Variants in FSTL5 observed in about 807,000 individuals in gnomAD.
FSTL5 encodes follistatin-related protein 5.
FSTL5 carries 62 observed loss-of-function variants against 89.1 expected under a neutral mutation model. The observed-to-expected ratio is 0.70, with a 90% CI of 0.57 to 0.86. The LOEUF is 0.86. Ranked by LOEUF, FSTL5 falls within the 40% of genes least tolerant of loss-of-function variation. The pLI, the probability that FSTL5 is intolerant of heterozygous loss-of-function variation, is 0.00. For missense variants in FSTL5, 1,057 were observed against 1,001.6 expected, an observed-to-expected ratio of 1.06 and a Z score of -0.75; for synonymous variants, 383 against 346.2, an observed-to-expected ratio of 1.11 and a Z score of -1.18.
At chr4:161,607,985 T>G (rs560826010) in intron 7 of FSTL5, among the ~76,000 whole-genome samples, 1 of 152,266 alleles carries the variant, frequency 6.6e-6, no homozygotes, top group South Asian at 2.1e-4. Context: ...GTACTTAGGT[T>G]ATCAAGTATT....
chr4:161,386,054 G>A lies in FSTL5; in HGVS notation c.2237C>T (p.Pro746Leu), dbSNP rs1160435954. Residue 746 changes from proline to leucine, a missense_variant, in exon 16 of 16, where the codon CCA becomes CTA. Pro to Leu is a moderately conservative substitution (Grantham distance 98, BLOSUM62 -3). Transcript: ENST00000306100. ...ATATTGGTGGGCTTCAGTAAAGGATGGTTGAAATGCCAGATCAGATATGTG... is the reference window on the plus strand; with the variant it reads ...ATATTGGTGGGCTTCAGTAAAGGATAGTTGAAATGCCAGATCAGATATGTG... Reference protein sequence around the residue: ...NLHISDLAFQPSFTEAHQYNI... With the variant: ...NLHISDLAFQLSFTEAHQYNI... 4 of 1,613,992 alleles carry A rather than the reference G, an allele frequency of 2.5e-6. No individual in the cohort carries two copies. The highest frequency in any genetic ancestry group is 3.4e-6 in the Non-Finnish European group (4 of 1,179,982).
chr4:161,843,108 T>C (rs1394874303), intron 4 of FSTL5, among the ~76,000 whole-genome samples: 1 of 152,206 alleles, frequency 6.6e-6, no homozygotes, highest in Admixed American at 6.5e-5. Context: ...ATTTTGTGAA[T>C]ACAGAATTGA....
chr4:161,888,844 A>C (rs1253055450), intron 4 of FSTL5, among the ~76,000 whole-genome samples: 13 of 152,004 alleles, frequency 8.6e-5, no homozygotes, highest in Admixed American at 8.5e-4. Flanking sequence ...TAATTTTAAA[A>C]CTCTGATTCA....
chr4:162,090,768 G>A (rs1007803225), intron 2 of FSTL5, among the ~76,000 whole-genome samples: 2 of 151,776 alleles, frequency 1.3e-5, no homozygotes, highest in African/African-American at 2.4e-5. Flanking sequence ...CCAGTGAGCC[G>A]AGATTGCGCC....
chr4:161,578,768 G>A (rs1733326635), intron 8 of FSTL5, among the ~76,000 whole-genome samples: 1 of 151,950 alleles, frequency 6.6e-6, no homozygotes, highest in Non-Finnish European at 1.5e-5. Context: ...AAATACAGCA[G>A]ATGTCCTGTT....
chr4:161,840,907 G>C (rs1579132517), intron 4 of FSTL5, among the ~76,000 whole-genome samples: 1 of 152,060 alleles, frequency 6.6e-6, no homozygotes, highest in South Asian at 2.1e-4. Flanking sequence ...GAGTGAGATG[G>C]GATAGATAAT....
chr4:162,050,154 A>G (rs914413130), intron 2 of FSTL5, among the ~76,000 whole-genome samples: 2 of 151,882 alleles, frequency 1.3e-5, no homozygotes, highest in African/African-American at 4.8e-5. Flanking sequence ...AATTTTCCGC[A>G]AGTGAATACA....
At position 161,920,505 on chromosome 4, in the gene FSTL5, G is replaced by A. The variant is rs773942489; in HGVS notation, c.308C>T (p.Ser103Phe). 6.8e-6 allele frequency: 11 copies of A among 1,613,860 alleles called. No homozygotes were observed. The highest frequency in any genetic ancestry group is 1.7e-5 in the Admixed American group (1 of 59,972). ...GTGGTTTTCATAGAATTCTCCGTCA[G>A]ATCCACACACAGGTTTGTAGTGACG... ...CKRHYKPVCGSDGEFYENHCE... is the reference protein window; with the variant it reads ...CKRHYKPVCGFDGEFYENHCE... Residue 103 changes from serine (S) to phenylalanine (F), a missense_variant, in exon 4 of 16, where the codon TCT becomes TTT. Ser to Phe is a radical substitution (Grantham distance 155). Transcript: ENST00000306100.
chr4:161,420,752 A>T (rs1731958192), intron 15 of FSTL5, among the ~76,000 whole-genome samples: 1 of 150,894 alleles, frequency 6.6e-6, no homozygotes, highest in African/African-American at 2.4e-5. Context: ...ATGCCTTACT[A>T]CATAATATTA....
chr4:161,446,072 C>G (rs1158165002), intron 15 of FSTL5, among the ~76,000 whole-genome samples: 1 of 151,944 alleles, frequency 6.6e-6, no homozygotes, highest in Non-Finnish European at 1.5e-5. Flanking sequence ...AGCAGATTTA[C>G]AACTCAACTA....
intron 4 of FSTL5, among the ~76,000 whole-genome samples, chr4:161,915,040 G>A (rs1220926149): frequency 1.3e-5 from 2 of 152,062 alleles, no homozygotes; most frequent in African/African-American, 4.8e-5. Context: ...GACATATTTG[G>A]AACAAACATG....
chr4:161,475,612 A>T (rs1209444748), intron 13 of FSTL5, among the ~76,000 whole-genome samples: 2 of 151,458 alleles, frequency 1.3e-5, no homozygotes, highest in Non-Finnish European at 2.9e-5. Context: ...TTCTTTACTA[A>T]CATTTCCATT....
chr4:161,763,949 T>C (rs984385167), intron 5 of FSTL5, among the ~76,000 whole-genome samples: 1 of 151,752 alleles, frequency 6.6e-6, no homozygotes, highest in African/African-American at 2.4e-5. Context: ...TCTCCCCCCT[T>C]TCTTCCTTTC....
At chr4:161,593,001 T>C (rs1311398745) in intron 7 of FSTL5, among the ~76,000 whole-genome samples, 2 of 152,182 alleles carry the variant, frequency 1.3e-5, no homozygotes, top group African/African-American at 4.8e-5. Flanking sequence ...TTCCCATATA[T>C]TTGCTCTGAG....
At chr4:161,405,268 T>C (rs1212142535) in intron 15 of FSTL5, among the ~76,000 whole-genome samples, 1 of 147,150 alleles carries the variant, frequency 6.8e-6, no homozygotes, top group Non-Finnish European at 1.5e-5. Flanking sequence ...CTCATAGAGC[T>C]AAAGAAAAAC....
At position 161,940,145 on chromosome 4, in the gene FSTL5, A is replaced by T. The variant is rs189838599; in HGVS notation, c.161-19493T>A. Among the ~76,000 whole-genome samples the T allele has an allele frequency of 1.1e-4, 17 of 151,990 alleles. No individual in the cohort carries two copies. The East Asian group carries it at 3.3e-3, about 29-fold the overall frequency. On this transcript the variant is annotated intron_variant, in intron 3 of 15. Transcript: ENST00000306100. The stretch of plus-strand genomic sequence containing the variant: ...CTATCCTCTAATAAAGTTTTCAATA[A>T]CTGAGAATTATTTTCAGGATTTTAA...
At chr4:161,635,926 T>G (rs1043805955) in intron 7 of FSTL5, among the ~76,000 whole-genome samples, 15 of 152,184 alleles carry the variant, frequency 9.9e-5, no homozygotes, top group African/African-American at 3.4e-4. Flanking sequence ...AATACAACTT[T>G]GATTTCACAT....
At chr4:162,092,623 A>G (rs1730591289) in intron 2 of FSTL5, among the ~76,000 whole-genome samples, 1 of 152,086 alleles carries the variant, frequency 6.6e-6, no homozygotes, top group Non-Finnish European at 1.5e-5. Context: ...ATTATCTAGA[A>G]ACCCAAAAAT....
At chr4:161,587,262 T>A (rs1230243400) in intron 8 of FSTL5, among the ~76,000 whole-genome samples, 193 bp downstream of exon 8, 1 of 151,952 alleles carries the variant, frequency 6.6e-6, no homozygotes, top group African/African-American at 2.4e-5. Flanking sequence ...AAAATAGTAC[T>A]AATTTATAGT....
Sources: gnomAD v4.1 joint callset for allele counts (sites outside exome capture counted in the v4.1 genomes callset) on GRCh38, gnomAD v4.1.1 for gene constraint, MANE v1.5 for transcripts, NCBI Gene and HGNC (gene_info 2026-07-23, HGNC 2026-07-21) for gene names.